EBF1: variants seen among roughly 807,000 people sequenced by gnomAD.
EBF1 encodes the protein EBF transcription factor 1, also known as transcription factor COE1.
A neutral mutation model predicts 68.4 loss-of-function variants in EBF1; 10 were observed. The observed-to-expected ratio is 0.15, with a 90% confidence interval of 0.09 to 0.25. The LOEUF is 0.25. EBF1 is among the 10% of genes least tolerant of loss of function. The pLI is 1.00. For missense variants in EBF1, 509 were observed against 794.4 expected (o/e 0.64, Z 4.32); for synonymous variants, 298 against 299.8 (o/e 0.99, Z 0.06).
At chr5:158,759,309 C>T (rs947332242) in intron 10 of EBF1, among the ~76,000 whole-genome samples, 3 of 152,290 alleles carry the variant, frequency 2.0e-5, no homozygotes, top group South Asian at 4.1e-4. Flanking sequence ...AGGCATGAGC[C>T]TCTTGTTCCA....
chr5:158,782,297 A>T (rs1304180430), intron 9 of EBF1, among the ~76,000 whole-genome samples: 2 of 152,200 alleles, frequency 1.3e-5, no homozygotes, highest in African/African-American at 2.4e-5. Flanking sequence ...AGTGTCCTAT[A>T]CATCTTTCTC....
intron 10 of EBF1, among the ~76,000 whole-genome samples, chr5:158,773,696 T>C (rs76002767): frequency 0.023 from 3,450 of 152,226 alleles, 142 homozygotes; most frequent in African/African-American, 0.079. Context: ...CCGCTTCTTA[T>C]CAGGAAAACC....
At chr5:159,071,022 A>T (rs577422326) in intron 6 of EBF1, among the ~76,000 whole-genome samples, 1 of 152,218 alleles carries the variant, frequency 6.6e-6, no homozygotes, top group Admixed American at 6.5e-5. Context: ...CCTTTCTTGC[A>T]TAAGTTCTTC....
Position 158,823,146 on chromosome 5 carries a change from A to G in EBF1, c.778+30T>C, listed in dbSNP as rs575171239. The G allele has an allele frequency of 7.4e-6, 12 of 1,613,788 alleles. No homozygotes were observed. In the East Asian group the frequency reaches 2.5e-4, roughly 33 times the overall value. On this transcript the variant is annotated intron_variant, in intron 8 of 15. Coordinates refer to ENST00000313708, the MANE Select transcript of EBF1 (RefSeq NM_024007.5). ...CAAATATATTCACAGTTAAAGTAGC[A>G]ATGCCAACCAATGAAAATGATTCGC...
chr5:158,994,145 AAGG>A (rs1217130367), intron 6 of EBF1, among the ~76,000 whole-genome samples: 1 of 152,184 alleles, frequency 6.6e-6, no homozygotes, highest in East Asian at 1.9e-4. Flanking sequence ...TGCGTCTCAG[AAGG>A]AGAACAACAT....
chr5:158,954,215 G>A (rs1816612719), intron 6 of EBF1, among the ~76,000 whole-genome samples: 4 of 152,184 alleles, frequency 2.6e-5, no homozygotes, highest in Admixed American at 2.6e-4. Context: ...GTGGCGTGGA[G>A]GTTGTAAACT....
intron 10 of EBF1, among the ~76,000 whole-genome samples, chr5:158,737,211 T>C (rs1765365078): frequency 1.4e-5 from 2 of 147,676 alleles, no homozygotes; most frequent in Admixed American, 6.8e-5. Context: ...ATAGGCAGAA[T>C]TAACCAATAG....
At chr5:158,894,399 T>C (rs3035131) in intron 6 of EBF1, among the ~76,000 whole-genome samples, 1 of 151,900 alleles carries the variant, frequency 6.6e-6, no homozygotes, top group Non-Finnish European at 1.5e-5. Context: ...AGAAGGCAGA[T>C]AAATAAAAAG....
intron 6 of EBF1, among the ~76,000 whole-genome samples, chr5:158,867,628 C>A (rs901913407): frequency 3.7e-5 from 5 of 135,690 alleles, no homozygotes; most frequent in African/African-American, 1.4e-4. Flanking sequence ...GCTCTGTGGG[C>A]TGAGTTCTTA....
intron 10 of EBF1, among the ~76,000 whole-genome samples, chr5:158,733,780 T>C (rs1764608689): frequency 6.6e-6 from 1 of 152,172 alleles, no homozygotes. Context: ...AATATTACAA[T>C]GGAATCGTCC....
At chr5:158,783,408 G>A (rs1776801021) in intron 9 of EBF1, among the ~76,000 whole-genome samples, 1 of 152,180 alleles carries the variant, frequency 6.6e-6, no homozygotes, top group Non-Finnish European at 1.5e-5. Context: ...GATGGTAGAG[G>A]TATGGGTAAT....
At chr5:158,883,386 AC>A (rs1799335970) in intron 6 of EBF1, among the ~76,000 whole-genome samples, 1 of 144,448 alleles carries the variant, frequency 6.9e-6, no homozygotes, top group Admixed American at 6.8e-5. Flanking sequence ...GTATATATAT[AC>A]ATACATACAT....
intron 10 of EBF1, among the ~76,000 whole-genome samples, chr5:158,734,713 G>C (rs1055521677): frequency 1.3e-5 from 2 of 152,012 alleles, no homozygotes; most frequent in African/African-American, 2.4e-5. Flanking sequence ...GGACAATTCC[G>C]AGAATCTGGT....
chr5:158,712,053 G>T, intron 14 of EBF1, 101 bp downstream of exon 14: 1 of 1,394,748 alleles, frequency 7.2e-7, no homozygotes, highest in Non-Finnish European at 9.8e-7. Context: ...GGAAAGATGG[G>T]GGGCCTCAGA....
rs746714862 is a variant in EBF1, at chr5:158,823,334, G to A, written c.637-17C>T. 1.3e-6 allele frequency: 2 copies of A among 1,593,808 alleles called. No homozygotes were observed. Among genetic ancestry groups the A allele is most frequent in the South Asian group, 2.3e-5 (2 of 87,744 alleles). Reference sequence around the variant, plus strand: ...CACCACGACCTGGAGACATAAGAAAGAAATGAATGAACATTTTAATATAAA... The same window carrying A: ...CACCACGACCTGGAGACATAAGAAAAAAATGAATGAACATTTTAATATAAA... On this transcript the variant is annotated splice_polypyrimidine_tract_variant and intron_variant, in intron 7 of 15. Transcript: ENST00000313708.
chr5:158,853,189 C>A (rs992528613), intron 6 of EBF1, among the ~76,000 whole-genome samples: 1 of 152,284 alleles, frequency 6.6e-6, no homozygotes, highest in South Asian at 2.1e-4. Context: ...TTTTAGAGAA[C>A]AACTTCGCCC....
intron 6 of EBF1, among the ~76,000 whole-genome samples, chr5:158,959,063 G>T (rs1357707377): frequency 4.0e-5 from 6 of 151,746 alleles, no homozygotes; most frequent in African/African-American, 1.5e-4. Context: ...GTGAGAGGAG[G>T]GATTATTTAA....
chr5:159,000,839 T>C (rs542076874), intron 6 of EBF1, among the ~76,000 whole-genome samples: 5 of 152,170 alleles, frequency 3.3e-5, no homozygotes, highest in African/African-American at 4.8e-5. Context: ...GACCTATTCA[T>C]AGTGAAAGAT....
chr5:159,034,973 G>T (rs1205253950), intron 6 of EBF1, among the ~76,000 whole-genome samples: 9 of 152,064 alleles, frequency 5.9e-5, no homozygotes, highest in Non-Finnish European at 1.0e-4. Flanking sequence ...GGTGCTCTTT[G>T]GAAAATATAT....
Sources: gnomAD v4.1 joint callset for allele counts (sites outside exome capture counted in the v4.1 genomes callset) on GRCh38, gnomAD v4.1.1 for gene constraint, MANE v1.5 for transcripts, NCBI Gene and HGNC (gene_info 2026-07-23, HGNC 2026-07-21) for gene names.